Variants in MAML3 observed in about 807,000 individuals in gnomAD.
MAML3 encodes mastermind like transcriptional coactivator 3.
MAML3 carries 27 observed loss-of-function variants against 101.9 expected under a neutral mutation model. That is an observed-to-expected ratio of 0.27 (90% CI 0.20 to 0.37). MAML3 has a LOEUF of 0.37. MAML3 is among the 10% of genes least tolerant of loss of function. The probability of loss-of-function intolerance (pLI) is 1.00; values close to 1 mark genes in which losing one functional copy is unlikely to be tolerated. For synonymous variants in MAML3, 501 were observed against 555.9 expected (o/e 0.90, Z 1.39); for missense variants, 1,316 against 1,444.9 (o/e 0.91, Z 1.45).
intron 1 of MAML3, among the ~76,000 whole-genome samples, chr4:139,930,846 G>A (rs1733377098): frequency 6.6e-6 from 1 of 151,942 alleles, no homozygotes; most frequent in Non-Finnish European, 1.5e-5. Context: ...CTGATTTCAT[G>A]ATTTTTTTTT....
At chr4:140,017,860 T>C (rs1008201794) in intron 1 of MAML3, among the ~76,000 whole-genome samples, 21 of 152,076 alleles carry the variant, frequency 1.4e-4, no homozygotes, top group Admixed American at 5.9e-4. Flanking sequence ...CTTGATTGTA[T>C]CAATGTTAAT....
At chr4:140,092,117 T>C (rs970381708) in intron 1 of MAML3, among the ~76,000 whole-genome samples, 1 of 133,122 alleles carries the variant, frequency 7.5e-6, no homozygotes, top group Non-Finnish European at 1.6e-5. Context: ...TATATATATA[T>C]ACGTATATAT....
chr4:139,948,962 TCTAC>T (rs1733783846), intron 1 of MAML3, among the ~76,000 whole-genome samples: 1 of 152,196 alleles, frequency 6.6e-6, no homozygotes, highest in Non-Finnish European at 1.5e-5. Flanking sequence ...CCATGCAGCC[TCTAC>T]GCCTTATTGA....
At chr4:140,063,191 C>T (rs978475478) in intron 1 of MAML3, among the ~76,000 whole-genome samples, 2 of 152,008 alleles carry the variant, frequency 1.3e-5, no homozygotes, top group African/African-American at 4.8e-5. Flanking sequence ...CAAAGCCAAA[C>T]AATTTTACCT....
intron 2 of MAML3, among the ~76,000 whole-genome samples, chr4:139,886,811 C>A (rs571587796): frequency 6.6e-6 from 1 of 152,010 alleles, no homozygotes; most frequent in Admixed American, 6.5e-5. Flanking sequence ...TTTGAAATAT[C>A]TTTTGTTTCT....
chr4:139,966,586 G>T (rs1734134113), intron 1 of MAML3, among the ~76,000 whole-genome samples: 1 of 152,196 alleles, frequency 6.6e-6, no homozygotes, highest in East Asian at 1.9e-4. Context: ...CTTAGCCACA[G>T]AAAAGCCTTT....
At chr4:139,720,364 A>G (rs1257773895) in intron 4 of MAML3, 41 bp from the exon 5 acceptor site, 1 of 1,492,624 alleles carries the variant, frequency 6.7e-7, no homozygotes, top group Non-Finnish European at 8.9e-7. Flanking sequence ...ACTCTTCTCC[A>G]TAAGCAATAT....
chr4:139,737,077 C>T (rs1728974607), intron 2 of MAML3, among the ~76,000 whole-genome samples: 1 of 152,112 alleles, frequency 6.6e-6, no homozygotes, highest in Non-Finnish European at 1.5e-5. Context: ...GAGGAGCATC[C>T]ATGACTGAGG....
At chr4:139,858,030 G>T (rs527725530) in intron 2 of MAML3, among the ~76,000 whole-genome samples, 2 of 152,292 alleles carry the variant, frequency 1.3e-5, no homozygotes, top group East Asian at 3.9e-4. Context: ...TCAGGCAACT[G>T]CAGACTGGAA....
At chr4:140,070,581 C>T (rs1024635547) in intron 1 of MAML3, among the ~76,000 whole-genome samples, 4 of 152,104 alleles carry the variant, frequency 2.6e-5, no homozygotes, top group Non-Finnish European at 4.4e-5. Context: ...ACCCAAGAAC[C>T]GAAATGAAAC....
chr4:139,821,052 G>T (rs552858333), intron 2 of MAML3, among the ~76,000 whole-genome samples: 1 of 152,292 alleles, frequency 6.6e-6, no homozygotes, highest in Admixed American at 6.5e-5. Context: ...AAAAACCATT[G>T]CCAAATTGAT....
intron 2 of MAML3, among the ~76,000 whole-genome samples, chr4:139,766,848 C>T (rs1300675379): frequency 1.3e-5 from 2 of 152,236 alleles, no homozygotes; most frequent in South Asian, 4.1e-4. Flanking sequence ...TCCCTGCAGA[C>T]CAGCTCTGCA....
At chr4:140,122,884 C>A (rs1361956162) in intron 1 of MAML3, among the ~76,000 whole-genome samples, 2 of 151,226 alleles carry the variant, frequency 1.3e-5, no homozygotes, top group African/African-American at 4.9e-5. Flanking sequence ...AAGTAAATAT[C>A]TTTAAGGACT....
chr4:140,045,679 A>G (rs2110914948), intron 1 of MAML3, among the ~76,000 whole-genome samples: 1 of 152,314 alleles, frequency 6.6e-6, no homozygotes, highest in African/African-American at 2.4e-5. Flanking sequence ...CTAATTTCTT[A>G]GAAAAAAATT....
At chr4:140,060,368 A>AAAAAAAAAAAAAAAAAAAAAAC in intron 1 of MAML3, among the ~76,000 whole-genome samples, 1 of 144,122 alleles carries the variant, frequency 6.9e-6, no homozygotes, top group Non-Finnish European at 1.5e-5. Context: ...TCTGTCTCAA[A>AAAAAAAAAAAAAAAAAAAAAAC]AAAAAAAAAA....
At chr4:139,787,100 T>G (rs1405959147) in intron 2 of MAML3, among the ~76,000 whole-genome samples, 1 of 152,222 alleles carries the variant, frequency 6.6e-6, no homozygotes, top group Non-Finnish European at 1.5e-5. Context: ...TTGTTCAGCT[T>G]TCCCTTCCCG....
At chr4:139,899,590 C>A (rs1017964843) in intron 1 of MAML3, among the ~76,000 whole-genome samples, 1 of 151,998 alleles carries the variant, frequency 6.6e-6, no homozygotes, top group East Asian at 1.9e-4. Flanking sequence ...TGACCACATG[C>A]CACACATATG....
chr4:139,754,265 T>G (rs539737302), intron 2 of MAML3, among the ~76,000 whole-genome samples: 2 of 152,364 alleles, frequency 1.3e-5, no homozygotes, highest in East Asian at 3.9e-4. Context: ...GTTTATGTTC[T>G]TATAGTTCTT....
intron 1 of MAML3, among the ~76,000 whole-genome samples, chr4:140,078,701 A>G (rs1181541159): frequency 6.6e-6 from 1 of 152,252 alleles, no homozygotes; most frequent in African/African-American, 2.4e-5. Flanking sequence ...CATAAAAATG[A>G]AAAGAAAGCT....
Sources: gnomAD v4.1 joint callset for allele counts (sites outside exome capture counted in the v4.1 genomes callset) on GRCh38, gnomAD v4.1.1 for gene constraint, MANE v1.5 for transcripts, NCBI Gene and HGNC (gene_info 2026-07-23, HGNC 2026-07-21) for gene names.